LDB2: variants seen among roughly 807,000 people sequenced by gnomAD.
LDB2 encodes LIM domain binding 2.
Under a neutral mutation model 44.3 loss-of-function variants are expected in LDB2, and 12 were observed. The ratio of observed to expected loss-of-function variants is 0.27; its 90% CI spans 0.17 to 0.44. The LOEUF is 0.44. Ranked by LOEUF, LDB2 falls within the 20% of genes least tolerant of loss-of-function variation. The probability of loss-of-function intolerance (pLI) is 1.00; values close to 1 mark genes in which losing one functional copy is unlikely to be tolerated. For missense variants in LDB2, 344 were observed against 473.5 expected (o/e 0.73, Z 2.54); for synonymous variants, 164 against 174.8 (o/e 0.94, Z 0.49).
chr4:16,525,441 C>T (rs926320768), intron 5 of LDB2, among the ~76,000 whole-genome samples: 5 of 152,184 alleles, frequency 3.3e-5, no homozygotes, highest in African/African-American at 1.2e-4. Context: ...CATCACTGTG[C>T]GCTTGTATCT....
chr4:16,576,550 G>T (rs1306458903), intron 5 of LDB2, among the ~76,000 whole-genome samples: 2 of 152,066 alleles, frequency 1.3e-5, no homozygotes, highest in Non-Finnish European at 2.9e-5. Flanking sequence ...TCCAAAACCT[G>T]AACACCTCAA....
intron 2 of LDB2, among the ~76,000 whole-genome samples, chr4:16,597,442 T>G (rs1325870054): frequency 6.6e-6 from 1 of 152,330 alleles, no homozygotes; most frequent in East Asian, 1.9e-4. Flanking sequence ...GAGTCCACCA[T>G]GTCCTTTAAC....
chr4:16,703,018 C>A (rs748870098), intron 2 of LDB2, among the ~76,000 whole-genome samples: 1 of 152,164 alleles, frequency 6.6e-6, no homozygotes, highest in African/African-American at 2.4e-5. Flanking sequence ...GTTAATTGTC[C>A]TTCCTGTGTA....
chr4:16,590,219 G>C (rs1718438433), intron 3 of LDB2, among the ~76,000 whole-genome samples: 1 of 152,072 alleles, frequency 6.6e-6, no homozygotes, highest in Admixed American at 6.5e-5. Flanking sequence ...AAGCAGCTTT[G>C]ATTTTTGTCT....
At chr4:16,665,016 C>T (rs779467931) in intron 2 of LDB2, among the ~76,000 whole-genome samples, 3 of 152,198 alleles carry the variant, frequency 2.0e-5, no homozygotes, top group Non-Finnish European at 2.9e-5. Flanking sequence ...TACAAAGCCA[C>T]TCAGCCAAGT....
At chr4:16,856,268 T>C (rs1452892418) in intron 1 of LDB2, among the ~76,000 whole-genome samples, 6 of 152,220 alleles carry the variant, frequency 3.9e-5, no homozygotes, top group Non-Finnish European at 5.9e-5. Flanking sequence ...ATCTTTGATA[T>C]TCCTGGTCAG....
At chr4:16,561,304 T>C (rs1742137912) in intron 5 of LDB2, among the ~76,000 whole-genome samples, 1 of 152,202 alleles carries the variant, frequency 6.6e-6, no homozygotes, top group Non-Finnish European at 1.5e-5. Flanking sequence ...GACGTGATTG[T>C]ATATCTAGAA....
intron 2 of LDB2, among the ~76,000 whole-genome samples, chr4:16,637,114 CT>C (rs1331201328): frequency 6.6e-6 from 1 of 152,124 alleles, no homozygotes; most frequent in Non-Finnish European, 1.5e-5. Flanking sequence ...AAATCACTGG[CT>C]TTGGAAACAC....
rs1428518121 is a variant in LDB2, at chr4:16,795,319, A to AC, written c.133-36060_133-36059insG. On this transcript the variant is annotated intron_variant, in intron 1 of 7. Transcript: ENST00000304523. ...GTCCATATTACAGAGACCCAATCAT[A>AC]AAAGGCCTTGTAAGTCACCAAAAGA... 1.4e-4 allele frequency among the ~76,000 whole-genome samples: 21 copies of AC among 152,290 alleles called. No individual in the cohort carries two copies. The South Asian group carries it at 4.4e-3, about 32-fold the overall frequency.
intron 7 of LDB2, among the ~76,000 whole-genome samples, chr4:16,505,491 C>T (rs1719035681): frequency 6.6e-6 from 1 of 152,138 alleles, no homozygotes; most frequent in Non-Finnish European, 1.5e-5. Context: ...TCTTCTAAGC[C>T]TCTAGACTAG....
Position 16,656,370 on chromosome 4 carries a change from T to C in LDB2, c.236-60495A>G, listed in dbSNP as rs542141731. On this transcript the variant is annotated intron_variant, in intron 2 of 7. Transcript: ENST00000304523. ...GAGAGCACAGTATTTAGGAGTCCTGTAGCGCAGCCCCTTCTCTGGCAAGTG... is the reference window on the plus strand; with the variant it reads ...GAGAGCACAGTATTTAGGAGTCCTGCAGCGCAGCCCCTTCTCTGGCAAGTG... Among the ~76,000 whole-genome samples, 31 of 152,274 alleles carry C rather than the reference T, an allele frequency of 2.0e-4. 1 individual carries two copies. The South Asian group carries it at 5.2e-3, about 25-fold the overall frequency.
chr4:16,585,898 A>C (rs1328481041), intron 5 of LDB2, 24 bp downstream of exon 5: 1 of 1,592,936 alleles, frequency 6.3e-7, no homozygotes, highest in East Asian at 2.2e-5. Context: ...TCACCAAAAA[A>C]TAAAATCATT....
chr4:16,776,409 C>T (rs1771912039), intron 1 of LDB2, among the ~76,000 whole-genome samples: 1 of 152,188 alleles, frequency 6.6e-6, no homozygotes, highest in Admixed American at 6.5e-5. Context: ...GACAACATCA[C>T]AACCAAAGGA....
chr4:16,879,853 C>T (rs1281362160), intron 1 of LDB2, among the ~76,000 whole-genome samples: 1 of 152,152 alleles, frequency 6.6e-6, no homozygotes, highest in Non-Finnish European at 1.5e-5. Flanking sequence ...GCCAATTTAA[C>T]ATCTCCATGA....
intron 2 of LDB2, among the ~76,000 whole-genome samples, chr4:16,701,639 A>G (rs1419538794): frequency 1.3e-5 from 2 of 152,196 alleles, no homozygotes; most frequent in Non-Finnish European, 2.9e-5. Flanking sequence ...CACAGGTAAA[A>G]AGAAGCAAAG....
Position 16,763,019 on chromosome 4 carries a change from G to A in LDB2, c.133-3759C>T, listed in dbSNP as rs890205497. 4.6e-5 allele frequency among the ~76,000 whole-genome samples: 7 copies of A among 151,504 alleles called. No homozygotes were observed. The East Asian group carries it at 5.9e-4, about 13-fold the overall frequency. On this transcript the variant is annotated intron_variant, in intron 1 of 7. Transcript: ENST00000304523. ...TCAGTGGAACATGGGATGAATCAAC[G>A]TCTCAGGAAATTTCAGAAGAGGTCT...
At chr4:16,781,456 G>A (rs1773209953) in intron 1 of LDB2, among the ~76,000 whole-genome samples, 1 of 152,134 alleles carries the variant, frequency 6.6e-6, no homozygotes, top group Non-Finnish European at 1.5e-5. Flanking sequence ...GGAGTCTGGA[G>A]GACAGAAGGC....
chr4:16,775,473 T>A (rs987125970), intron 1 of LDB2, among the ~76,000 whole-genome samples: 2 of 152,192 alleles, frequency 1.3e-5, no homozygotes, highest in Non-Finnish European at 2.9e-5. Context: ...TGTAGCTACC[T>A]CATAGTGCTA....
rs1174965862 is a variant in LDB2, at chr4:16,897,895, AATATATATATATATATAT to A, written c.132+441_132+458del. ...TTCCTCTAGGATTTGTAAAAAAGAA[AATATATATATATATATAT>A]ATATATATATATATATATATATATA... On this transcript the variant is annotated intron_variant, in intron 1 of 7. Transcript: ENST00000304523. Among the ~76,000 whole-genome samples the A allele has an allele frequency of 4.1e-3, 317 of 78,156 alleles. 11 individuals are homozygous for A. Among genetic ancestry groups the A allele is most frequent in the Middle Eastern group, 0.017 (2 of 120 alleles). 51.3% of individuals were successfully genotyped at this position (78,156 alleles called of 152,430 possible). A position where few individuals can be genotyped will look rare whatever the true frequency, so the allele number is the denominator to read the frequency against.
Sources: gnomAD v4.1 joint callset for allele counts (sites outside exome capture counted in the v4.1 genomes callset) on GRCh38, gnomAD v4.1.1 for gene constraint, MANE v1.5 for transcripts, NCBI Gene and HGNC (gene_info 2026-07-23, HGNC 2026-07-21) for gene names.